The following PPP2R2C variants were observed in gnomAD, a reference collection of about 807,000 sequenced individuals.
The protein encoded by PPP2R2C is protein phosphatase 2 regulatory subunit Bgamma.
In PPP2R2C, 10 loss-of-function variants were observed where a neutral mutation model predicts 45.3. The observed-to-expected ratio is 0.22, with a 90% confidence interval of 0.14 to 0.37. The LOEUF (loss-of-function observed/expected upper bound fraction) is 0.37. Ranked by LOEUF, PPP2R2C falls within the 10% of genes least tolerant of loss-of-function variation. PPP2R2C has a pLI of 1.00. For synonymous variants in PPP2R2C, 257 were observed against 245.4 expected, an observed-to-expected ratio of 1.05 and a Z score of -0.44; for missense variants, 308 against 619.7, an observed-to-expected ratio of 0.50 and a Z score of 5.34.
chr4:6,381,695 G>A, intron 1 of PPP2R2C: 1 of 1,544,350 alleles, frequency 6.5e-7, no homozygotes, highest in Non-Finnish European at 8.7e-7. Context: ...AGCCCTGCCT[G>A]CCCTGACCCT....
chr4:6,396,789 G>T (rs1318379854), intron 1 of PPP2R2C, among the ~76,000 whole-genome samples: 1 of 152,250 alleles, frequency 6.6e-6, no homozygotes, highest in Non-Finnish European at 1.5e-5. Context: ...GGAGGGGGTA[G>T]AGAGAAGGCC....
intron 2 of PPP2R2C, among the ~76,000 whole-genome samples, chr4:6,519,185 C>A (rs963081916): frequency 3.9e-5 from 6 of 152,140 alleles, no homozygotes; most frequent in African/African-American, 1.4e-4. Context: ...CCTAGAATAC[C>A]AGCTGTGTTG....
intron 1 of PPP2R2C, among the ~76,000 whole-genome samples, chr4:6,397,513 T>G (rs929759672): frequency 1.4e-4 from 12 of 88,766 alleles, no homozygotes; most frequent in African/African-American, 4.2e-4. Context: ...TAAACAGAAG[T>G]TGGAAAAGAG....
chr4:6,412,734 G>A (rs9992280), intron 1 of PPP2R2C, among the ~76,000 whole-genome samples: 108,295 of 152,096 alleles, frequency 0.71, 38,947 homozygotes, highest in Middle Eastern at 0.77. Flanking sequence ...TCATATGTTG[G>A]AACCCTAACC....
chr4:6,357,460 G>A (rs1713311062), intron 5 of PPP2R2C, among the ~76,000 whole-genome samples: 1 of 152,234 alleles, frequency 6.6e-6, no homozygotes, highest in Non-Finnish European at 1.5e-5. Context: ...ACTCAACTCT[G>A]CTGTTGTAAC....
At chr4:6,523,657 A>G (rs1577238249) in intron 2 of PPP2R2C, 1 of 152,214 alleles carries the variant, frequency 6.6e-6, no homozygotes, top group Non-Finnish European at 1.5e-5. Flanking sequence ...AAAGCTTGGT[A>G]CCGCCGCAAC....
intron 1 of PPP2R2C, among the ~76,000 whole-genome samples, chr4:6,557,727 A>T (rs1364538108): frequency 6.6e-6 from 1 of 152,188 alleles, no homozygotes; most frequent in Non-Finnish European, 1.5e-5. Context: ...GAGGCCCTCA[A>T]GTAGTCCAGA....
At chr4:6,344,311 T>C (rs1390000232) in intron 6 of PPP2R2C, among the ~76,000 whole-genome samples, 1 of 152,214 alleles carries the variant, frequency 6.6e-6, no homozygotes, top group Non-Finnish European at 1.5e-5. Flanking sequence ...AAAACACTCA[T>C]ATTTCTCGCA....
At chr4:6,561,915 A>G (rs955113375) in intron 1 of PPP2R2C, among the ~76,000 whole-genome samples, 2 of 152,204 alleles carry the variant, frequency 1.3e-5, no homozygotes, top group Admixed American at 1.3e-4. Context: ...CGCACTCACT[A>G]ATCGACAGTC....
chr4:6,426,598 A>G (rs1301405791), intron 1 of PPP2R2C, among the ~76,000 whole-genome samples: 1 of 151,536 alleles, frequency 6.6e-6, no homozygotes, highest in Non-Finnish European at 1.5e-5. Flanking sequence ...CACCTCCTGA[A>G]GCTACAATAT....
intron 1 of PPP2R2C, among the ~76,000 whole-genome samples, chr4:6,440,469 T>C (rs1158817087): frequency 6.6e-6 from 1 of 152,124 alleles, no homozygotes; most frequent in Non-Finnish European, 1.5e-5. Flanking sequence ...TAGCAACCTC[T>C]AAGGGAGGCC....
At chr4:6,365,961 C>G (rs1714260882) in intron 5 of PPP2R2C, among the ~76,000 whole-genome samples, 1 of 152,180 alleles carries the variant, frequency 6.6e-6, no homozygotes, top group African/African-American at 2.4e-5. Flanking sequence ...AAAAATCACC[C>G]AGTGCTGTGT....
chr4:6,351,879 G>C (rs1267810749), intron 5 of PPP2R2C, among the ~76,000 whole-genome samples: 1 of 152,152 alleles, frequency 6.6e-6, no homozygotes, highest in Non-Finnish European at 1.5e-5. Context: ...CAAGACCTTG[G>C]CTCAGGTGGC....
intron 2 of PPP2R2C, among the ~76,000 whole-genome samples, chr4:6,486,351 T>C (rs1327097213): frequency 6.6e-6 from 1 of 152,068 alleles, no homozygotes; most frequent in Non-Finnish European, 1.5e-5. Flanking sequence ...TATTCTGCTG[T>C]TGTTGGGTAG....
chr4:6,521,642 G>T (rs1248516926), intron 2 of PPP2R2C, among the ~76,000 whole-genome samples: 1 of 152,130 alleles, frequency 6.6e-6, no homozygotes, highest in African/African-American at 2.4e-5. Flanking sequence ...CTCCCTCGAG[G>T]TGATGTGAGT....
At chr4:6,380,018 C>A in intron 2 of PPP2R2C, 1 of 152,864 alleles carries the variant, frequency 6.5e-6, no homozygotes. Context: ...CCTGCCTCTC[C>A]TGCTCCATCC....
chr4:6,554,956 AAAG>A (rs1560620414), intron 1 of PPP2R2C, among the ~76,000 whole-genome samples: 12 of 129,384 alleles, frequency 9.3e-5, no homozygotes, highest in African/African-American at 2.4e-4. Flanking sequence ...AGAAAGAAAG[AAAG>A]AAAGAAAGAG....
At chr4:6,522,591 C>T (rs1724061856) in intron 2 of PPP2R2C, among the ~76,000 whole-genome samples, 1 of 152,270 alleles carries the variant, frequency 6.6e-6, no homozygotes, top group South Asian at 2.1e-4. Context: ...GTGGATTCCC[C>T]CACAGGAACC....
chr4:6,418,066 G>A (rs1293525468), intron 1 of PPP2R2C, among the ~76,000 whole-genome samples: 5 of 152,154 alleles, frequency 3.3e-5, no homozygotes, highest in Non-Finnish European at 7.4e-5. Flanking sequence ...TTGCCTTGCC[G>A]CCTTGGGAAG....
Sources: allele counts gnomAD v4.1 joint callset (sites outside exome capture counted in the v4.1 genomes callset), GRCh38; gene constraint gnomAD v4.1.1; transcripts MANE v1.5; gene names NCBI Gene and HGNC (gene_info 2026-07-23, HGNC 2026-07-21).